The following SBF2 variants were observed in gnomAD, a reference collection of about 807,000 sequenced individuals.
The protein encoded by SBF2 is SET binding factor 2.
Under a neutral mutation model 225.2 loss-of-function variants are expected in SBF2, and 112 were observed. The observed-to-expected ratio is 0.50, with a 90% CI of 0.43 to 0.58. The LOEUF is 0.58. SBF2 is among the 20% of genes least tolerant of loss of function. The pLI is 0.00. For missense variants in SBF2, 1,996 were observed against 2,206.2 expected, an observed-to-expected ratio of 0.90 and a Z score of 1.91; for synonymous variants, 763 against 773.3, an observed-to-expected ratio of 0.99 and a Z score of 0.22.
chr11:10,273,734 A>G (rs1276804921), intron 1 of SBF2, among the ~76,000 whole-genome samples: 1 of 152,254 alleles, frequency 6.6e-6, no homozygotes, highest in Non-Finnish European at 1.5e-5. Flanking sequence ...GAAATGGAAT[A>G]TCTCCTGAAG....
chr11:10,019,186 C>G lies in SBF2; in HGVS notation c.619+9266G>C, dbSNP rs1189534433. Among the ~76,000 whole-genome samples the G allele has an allele frequency of 6.6e-5, 10 of 152,146 alleles. No homozygotes were observed. In the East Asian group the frequency reaches 1.9e-3, roughly 29 times the overall value. Reference sequence around the variant, plus strand: ...TTTGTAAACATTTTGTGAAAAAAAACATACTTCTACCATCATATAAGCAGA... The same window carrying G: ...TTTGTAAACATTTTGTGAAAAAAAAGATACTTCTACCATCATATAAGCAGA... On this transcript the variant is annotated intron_variant, in intron 6 of 39. Coordinates refer to ENST00000256190, the MANE Select transcript of SBF2 (RefSeq NM_030962.4).
intron 14 of SBF2, among the ~76,000 whole-genome samples, chr11:9,967,971 C>CTCTATATATATA (rs1260685462): frequency 1.1e-5 from 1 of 91,508 alleles, no homozygotes; most frequent in African/African-American, 3.8e-5. Context: ...CTCTCTCTCT[C>CTCTATATATATA]TATATATATA....
intron 1 of SBF2, among the ~76,000 whole-genome samples, chr11:10,250,188 T>C (rs571751992): frequency 6.6e-6 from 1 of 152,244 alleles, no homozygotes; most frequent in African/African-American, 2.4e-5. Flanking sequence ...AGAAAATACT[T>C]TGCCAGATTT....
At chr11:9,794,130 C>T (rs1047711219) in intron 33 of SBF2, among the ~76,000 whole-genome samples, 1 of 151,882 alleles carries the variant, frequency 6.6e-6, no homozygotes, top group African/African-American at 2.4e-5. Flanking sequence ...TGCAGTGAGC[C>T]GAGATCCTGC....
chr11:10,071,352 T>C (rs58623593), intron 2 of SBF2, among the ~76,000 whole-genome samples: 68,971 of 149,608 alleles, frequency 0.46, 16,306 homozygotes, highest in Admixed American at 0.56. Context: ...CGGCAAGCTC[T>C]GCCTCCCAGG....
At chr11:10,119,618 A>G (rs575618929) in intron 2 of SBF2, among the ~76,000 whole-genome samples, 2 of 152,298 alleles carry the variant, frequency 1.3e-5, no homozygotes, top group South Asian at 4.1e-4. Context: ...TTCATTTATT[A>G]AAGTGATTCT....
At chr11:9,968,611 G>C in intron 13 of SBF2, 66 bp from the exon 14 acceptor site, 1 of 1,315,130 alleles carries the variant, frequency 7.6e-7, no homozygotes. Context: ...ACCAGGAAGG[G>C]AGTGGGAGCT....
chr11:9,986,568 C>G lies in SBF2; in HGVS notation c.1395+2929G>C, dbSNP rs539500210. 1.1e-4 allele frequency among the ~76,000 whole-genome samples: 17 copies of G among 150,994 alleles called. No homozygotes were observed. In the South Asian group the frequency reaches 2.4e-3, roughly 21 times the overall value. On this transcript the variant is annotated intron_variant, in intron 13 of 39. Transcript: ENST00000256190. ...AACCAAGAAAAGAAGACAGAAAATC[C>G]AAATAATCTCACTAAGAAATGAAAC...
chr11:9,800,144 G>T (rs967373050), intron 32 of SBF2, among the ~76,000 whole-genome samples: 8 of 151,880 alleles, frequency 5.3e-5, no homozygotes, highest in Non-Finnish European at 1.2e-4. Context: ...AGGCTGAGGC[G>T]AAAGGATTGC....
chr11:10,202,324 G>C (rs1957594688), intron 1 of SBF2, among the ~76,000 whole-genome samples: 1 of 152,084 alleles, frequency 6.6e-6, no homozygotes, highest in Non-Finnish European at 1.5e-5. Flanking sequence ...ATCTTCATCT[G>C]GGTAACAGCA....
chr11:9,878,242 T>C (rs1016185336), intron 17 of SBF2, among the ~76,000 whole-genome samples: 3 of 152,190 alleles, frequency 2.0e-5, no homozygotes, highest in Non-Finnish European at 4.4e-5. Flanking sequence ...TTTGATGGGG[T>C]TGTTTTTTTC....
intron 2 of SBF2, among the ~76,000 whole-genome samples, chr11:10,130,840 G>A (rs1954009125): frequency 6.6e-6 from 1 of 151,970 alleles, no homozygotes; most frequent in Admixed American, 6.6e-5. Context: ...GCTCCTGACT[G>A]AGATCTGTCC....
intron 2 of SBF2, among the ~76,000 whole-genome samples, chr11:10,104,259 G>T (rs913022240): frequency 3.3e-5 from 5 of 152,030 alleles, no homozygotes; most frequent in Non-Finnish European, 5.9e-5. Flanking sequence ...ATCTATCCTG[G>T]AAAATGTTCC....
At chr11:10,247,652 G>A (rs1196401654) in intron 1 of SBF2, among the ~76,000 whole-genome samples, 6 of 152,176 alleles carry the variant, frequency 3.9e-5, no homozygotes, top group East Asian at 1.9e-4. Flanking sequence ...CCAAGATCGT[G>A]CCACTGTACT....
intron 1 of SBF2, among the ~76,000 whole-genome samples, chr11:10,249,220 G>A (rs1010949218): frequency 1.3e-5 from 2 of 150,572 alleles, no homozygotes; most frequent in African/African-American, 4.8e-5. Context: ...CTTAAAGCAC[G>A]AATCTGCTCT....
At chr11:9,873,363 A>G (rs764521648) in intron 17 of SBF2, among the ~76,000 whole-genome samples, 2 of 152,210 alleles carry the variant, frequency 1.3e-5, no homozygotes, top group African/African-American at 2.4e-5. Context: ...AATTCAAAAG[A>G]TATGTTATGG....
intron 1 of SBF2, among the ~76,000 whole-genome samples, chr11:10,246,395 T>C (rs1054414430): frequency 6.6e-6 from 1 of 152,234 alleles, no homozygotes; most frequent in African/African-American, 2.4e-5. Flanking sequence ...GCAATTCTCC[T>C]GCCTCAGCCT....
intron 16 of SBF2, among the ~76,000 whole-genome samples, chr11:9,911,553 T>C (rs1229421993): frequency 2.0e-5 from 3 of 152,160 alleles, no homozygotes; most frequent in Non-Finnish European, 4.4e-5. Context: ...CTAAGTTTAA[T>C]GTATTTTTGA....
At chr11:10,232,268 G>A (rs1958888446) in intron 1 of SBF2, among the ~76,000 whole-genome samples, 2 of 152,348 alleles carry the variant, frequency 1.3e-5, no homozygotes, top group African/African-American at 4.8e-5. Context: ...GTGAGGGGAT[G>A]CCTCGTGCTG....
Sources: gnomAD v4.1 joint callset for allele counts (sites outside exome capture counted in the v4.1 genomes callset) on GRCh38, gnomAD v4.1.1 for gene constraint, MANE v1.5 for transcripts, NCBI Gene and HGNC (gene_info 2026-07-23, HGNC 2026-07-21) for gene names.